Variants in DOCK9 observed in about 807,000 individuals in gnomAD.
DOCK9 encodes dedicator of cytokinesis protein 9.
In DOCK9, 89 loss-of-function variants were observed where a neutral mutation model predicts 263.3. That is an observed-to-expected ratio of 0.34 (90% CI 0.28 to 0.40). DOCK9 has a LOEUF of 0.40. DOCK9 is among the 10% of genes least tolerant of loss of function. The pLI is 1.00. For synonymous variants in DOCK9, 976 were observed against 973.1 expected (o/e 1.00, Z -0.06); for missense variants, 2,140 against 2,603.4 (o/e 0.82, Z 3.87).
intron 2 of DOCK9, among the ~76,000 whole-genome samples, chr13:98,948,675 C>G (rs374227097): frequency 5.3e-5 from 8 of 152,214 alleles, no homozygotes; most frequent in East Asian, 3.8e-4. Context: ...TTTCCAACTG[C>G]GTCTCTGTTC....
intron 38 of DOCK9, among the ~76,000 whole-genome samples, chr13:98,841,050 T>C (rs1403070052): frequency 6.6e-6 from 1 of 152,200 alleles, no homozygotes; most frequent in East Asian, 1.9e-4. Flanking sequence ...TTCATTTCCA[T>C]CCAATTTTTA....
intron 48 of DOCK9, among the ~76,000 whole-genome samples, chr13:98,805,694 T>A (rs2090617966): frequency 6.6e-6 from 1 of 152,240 alleles, no homozygotes; most frequent in Non-Finnish European, 1.5e-5. Flanking sequence ...TTACATTTAG[T>A]TGTTATGTCC....
intron 1 of DOCK9, among the ~76,000 whole-genome samples, chr13:99,038,288 CTTTTTTTTTT>C (rs71419743): frequency 6.3e-4 from 54 of 86,240 alleles, no homozygotes; most frequent in South Asian, 2.4e-3. Flanking sequence ...TTATGCCCCC[CTTTTTTTTTT>C]TTTTTTTTTT....
At chr13:98,851,410 T>C (rs1179480264) in intron 35 of DOCK9, among the ~76,000 whole-genome samples, 1 of 152,180 alleles carries the variant, frequency 6.6e-6, no homozygotes, top group Non-Finnish European at 1.5e-5. Context: ...CAGGGTATGG[T>C]GAGCCCCCGG....
At chr13:98,926,867 G>A (rs185545439) in intron 3 of DOCK9, among the ~76,000 whole-genome samples, 15 of 152,366 alleles carry the variant, frequency 9.8e-5, no homozygotes, top group African/African-American at 3.6e-4. Flanking sequence ...GGCTCTGGCT[G>A]TAACTAACAT....
At chr13:98,852,016 A>G (rs2093588126) in intron 35 of DOCK9, among the ~76,000 whole-genome samples, 1 of 152,224 alleles carries the variant, frequency 6.6e-6, no homozygotes, top group South Asian at 2.1e-4. Flanking sequence ...ACTTTAAAGA[A>G]TAACTTTTAC....
intron 7 of DOCK9, among the ~76,000 whole-genome samples, chr13:98,918,217 C>G (rs1010818967): frequency 2.6e-5 from 4 of 152,176 alleles, no homozygotes; most frequent in African/African-American, 9.7e-5. Flanking sequence ...GAGGCAGTAT[C>G]TGAATTGCAG....
rs2094173564 is a variant in DOCK9 at position 98,871,082 on chromosome 13, G to A, written c.2944-2705C>T. 3.9e-5 allele frequency among the ~76,000 whole-genome samples: 6 copies of A among 152,278 alleles called. No individual in the cohort carries two copies. In the South Asian group the frequency reaches 1.0e-3, roughly 26 times the overall value. On this transcript the variant is annotated intron_variant, in intron 27 of 52. Coordinates refer to ENST00000682017, the MANE Select transcript of DOCK9 (RefSeq NM_001366683.2). The stretch of plus-strand genomic sequence containing the variant: ...ACTGAATATAGACTGGGTGTTAGAT[G>A]ATAATAAAGACGTTTTGCTAATTTT...
intron 45 of DOCK9, among the ~76,000 whole-genome samples, chr13:98,817,589 A>G (rs545431154): frequency 2.6e-5 from 4 of 151,200 alleles, no homozygotes; most frequent in African/African-American, 9.7e-5. Context: ...CACCACATCT[A>G]GCCTAAACTA....
intron 2 of DOCK9, among the ~76,000 whole-genome samples, chr13:98,943,989 T>C (rs1463228048): frequency 2.6e-5 from 4 of 152,226 alleles, no homozygotes; most frequent in African/African-American, 9.7e-5. Context: ...CTAAGACATA[T>C]ACACTAATCA....
chr13:98,990,216 A>C (rs1438448967), intron 1 of DOCK9, among the ~76,000 whole-genome samples: 1 of 152,240 alleles, frequency 6.6e-6, no homozygotes, highest in African/African-American at 2.4e-5. Flanking sequence ...ATAAGAGGAA[A>C]AAAATGCAGA....
intron 15 of DOCK9, among the ~76,000 whole-genome samples, chr13:98,892,127 G>A (rs2046715042): frequency 6.6e-6 from 1 of 152,156 alleles, no homozygotes; most frequent in South Asian, 2.1e-4. Context: ...AAGTAAGCAT[G>A]CAATACAGAC....
intron 2 of DOCK9, 108 bp downstream of exon 2, chr13:98,955,327 T>A (rs9513518): frequency 0.39 from 265,650 of 677,932 alleles, 47,505 homozygotes; most frequent in African/African-American, 0.49. Flanking sequence ...TCAAAAAAAA[T>A]AATAATAATA....
chr13:98,932,812 A>G (rs1009386175), intron 2 of DOCK9, among the ~76,000 whole-genome samples: 1 of 152,150 alleles, frequency 6.6e-6, no homozygotes, highest in African/African-American at 2.4e-5. Context: ...TCTGTTCTTC[A>G]CCAAAGTCCT....
At chr13:99,009,150 A>G (rs1884022310) in intron 1 of DOCK9, among the ~76,000 whole-genome samples, 1 of 152,226 alleles carries the variant, frequency 6.6e-6, no homozygotes, top group African/African-American at 2.4e-5. Context: ...GATAAATAAG[A>G]CAGTATATTT....
intron 1 of DOCK9, among the ~76,000 whole-genome samples, chr13:99,032,737 CA>C (rs955424954): frequency 6.6e-6 from 1 of 151,948 alleles, no homozygotes; most frequent in African/African-American, 2.4e-5. Flanking sequence ...ACTTGAAATA[CA>C]AAATCTGTAT....
intron 9 of DOCK9, among the ~76,000 whole-genome samples, chr13:98,913,302 AAC>A (rs2050359435): frequency 6.6e-6 from 1 of 152,230 alleles, no homozygotes; most frequent in African/African-American, 2.4e-5. Context: ...GAAGGGCAGT[AAC>A]AGAGTAAGAG....
intron 45 of DOCK9, among the ~76,000 whole-genome samples, chr13:98,822,668 AAAACAAAC>A (rs71114552): frequency 3.3e-5 from 5 of 151,162 alleles, no homozygotes; most frequent in South Asian, 2.1e-4. Context: ...AGTAAAAAGT[AAAACAAAC>A]AAACAAACAA....
chr13:99,019,076 C>G (rs761557543), intron 1 of DOCK9, among the ~76,000 whole-genome samples: 1 of 152,126 alleles, frequency 6.6e-6, no homozygotes, highest in African/African-American at 2.4e-5. Flanking sequence ...AGTACTGATG[C>G]ATGCCACTAC....
Sources: gnomAD v4.1 joint callset for allele counts (sites outside exome capture counted in the v4.1 genomes callset) on GRCh38, gnomAD v4.1.1 for gene constraint, MANE v1.5 for transcripts, NCBI Gene and HGNC (gene_info 2026-07-23, HGNC 2026-07-21) for gene names.